Variants in PLEKHM3 observed in about 807,000 individuals in gnomAD.
PLEKHM3 encodes the protein pleckstrin homology domain containing M3.
In PLEKHM3, 45 loss-of-function variants were observed where a neutral mutation model predicts 81.8. The ratio of observed to expected loss-of-function variants is 0.55; its 90% CI spans 0.43 to 0.71. PLEKHM3 has a LOEUF of 0.71. Among genes scored for constraint, PLEKHM3 ranks in the 30% least tolerant of loss-of-function variants. PLEKHM3 has a pLI of 0.00. For synonymous variants in PLEKHM3, 352 were observed against 356.4 expected, an observed-to-expected ratio of 0.99 and a Z score of 0.14; for missense variants, 788 against 924.3, an observed-to-expected ratio of 0.85 and a Z score of 1.91.
Position 207,885,053 on chromosome 2 carries a change from T to C in PLEKHM3, c.1950+23461A>G, listed in dbSNP as rs142512170. Among the ~76,000 whole-genome samples, 154 of 152,326 alleles carry C rather than the reference T, an allele frequency of 1.0e-3. 2 individuals carry two copies. The Middle Eastern group carries it at 0.01, about 10-fold the overall frequency. On this transcript the variant is annotated intron_variant, in intron 6 of 7. Transcript: ENST00000427836. ...CCTTTAAGGCACAAGGAAAGCCATG[T>C]AAGGGACAGGGCCACTCAGACACTG...
intron 3 of PLEKHM3, among the ~76,000 whole-genome samples, chr2:207,950,643 T>C (rs1690298992): frequency 1.3e-5 from 2 of 152,206 alleles, no homozygotes; most frequent in South Asian, 4.1e-4. Context: ...CCCTGATTTC[T>C]AGGTGACCTC....
Position 207,903,713 on chromosome 2 carries a change from T to C in PLEKHM3, c.1950+4801A>G, listed in dbSNP as rs531859634. On this transcript the variant is annotated intron_variant, in intron 6 of 7. Coordinates refer to ENST00000427836, the MANE Select transcript of PLEKHM3 (RefSeq NM_001080475.3). ...CTAAGAACTCTTGACCATTTATTTATATGTACTAATGTATTCTACTGGTAA... is the reference window on the plus strand; with the variant it reads ...CTAAGAACTCTTGACCATTTATTTACATGTACTAATGTATTCTACTGGTAA... 4.6e-5 allele frequency among the ~76,000 whole-genome samples: 7 copies of C among 152,354 alleles called. No individual in the cohort carries two copies. The South Asian group carries it at 1.4e-3, about 32-fold the overall frequency.
At chr2:208,008,599 T>C (rs1692586051) in intron 1 of PLEKHM3, among the ~76,000 whole-genome samples, 1 of 151,568 alleles carries the variant, frequency 6.6e-6, no homozygotes, top group Non-Finnish European at 1.5e-5. Flanking sequence ...CCCCACTCAA[T>C]TGAACTTCTC....
At chr2:208,000,650 C>T (rs372212067) in intron 2 of PLEKHM3, among the ~76,000 whole-genome samples, 9 of 152,162 alleles carry the variant, frequency 5.9e-5, no homozygotes, top group Admixed American at 2.0e-4. Flanking sequence ...CTCAGCCCAA[C>T]GTACGATCTA....
chr2:207,962,518 G>C (rs1205605701), intron 3 of PLEKHM3, among the ~76,000 whole-genome samples: 4 of 152,150 alleles, frequency 2.6e-5, no homozygotes, highest in African/African-American at 9.7e-5. Context: ...AGTTCTATGA[G>C]TTGTTCTAAC....
At chr2:208,021,949 A>C (rs11896832) in intron 1 of PLEKHM3, among the ~76,000 whole-genome samples, 5,596 of 152,266 alleles carry the variant, frequency 0.037, 334 homozygotes, top group African/African-American at 0.13. Context: ...ATTTTGGGGC[A>C]TTTAGGTTAT....
chr2:207,942,848 C>T (rs980003259), intron 4 of PLEKHM3, among the ~76,000 whole-genome samples: 1 of 151,988 alleles, frequency 6.6e-6, no homozygotes, highest in Non-Finnish European at 1.5e-5. Flanking sequence ...TGCAGTGAGC[C>T]GAGATTGCAC....
chr2:207,908,604 GA>G, intron 5 of PLEKHM3, 27 bp from the exon 6 acceptor site: 1 of 1,564,368 alleles, frequency 6.4e-7, no homozygotes, highest in Admixed American at 1.7e-5. Flanking sequence ...ATAGACAAGT[GA>G]ACTGTGGTGC....
chr2:207,905,015 AT>A (rs1253068673), intron 6 of PLEKHM3, among the ~76,000 whole-genome samples: 1 of 151,944 alleles, frequency 6.6e-6, no homozygotes, highest in Non-Finnish European at 1.5e-5. Context: ...ATTCTTACCT[AT>A]TTTTTTTCTT....
At chr2:207,925,511 G>A (rs894230880) in intron 5 of PLEKHM3, among the ~76,000 whole-genome samples, 2 of 152,116 alleles carry the variant, frequency 1.3e-5, no homozygotes, top group African/African-American at 2.4e-5. Context: ...CTGAATCCTC[G>A]CACTTTCCTT....
chr2:208,022,856 A>G (rs1685773791), intron 1 of PLEKHM3, among the ~76,000 whole-genome samples: 1 of 152,250 alleles, frequency 6.6e-6, no homozygotes, highest in Non-Finnish European at 1.5e-5. Context: ...GATTACAGAC[A>G]GCAATTTTAG....
chr2:207,984,352 A>C (rs1691642784), intron 2 of PLEKHM3, among the ~76,000 whole-genome samples: 1 of 152,078 alleles, frequency 6.6e-6, no homozygotes, highest in Non-Finnish European at 1.5e-5. Flanking sequence ...TCCTTATCTA[A>C]TACCCAGTCT....
rs773079240 is a variant in PLEKHM3, at chr2:208,001,141, G to T, written c.499C>A (p.Pro167Thr). ...VDWRVVLKTT[P>T]LQQQQQQQPL... ...TGCTGCTGTTGCTGCTGCTGCAAAG[G>T]CGTGGTTTTGAGGACTACCCTCCAG... Residue 167 changes from proline (P) to threonine (T), a missense_variant, in exon 2 of 8, where the codon CCT becomes ACT. By Grantham distance (38) the Pro-to-Thr change is conservative. Transcript: ENST00000427836. The T allele has an allele frequency of 3.5e-5, 57 of 1,611,696 alleles. No individual in the cohort carries two copies. The highest frequency in any genetic ancestry group is 4.7e-5 in the Non-Finnish European group (55 of 1,178,810).
At chr2:207,997,880 A>C (rs1320720973) in intron 2 of PLEKHM3, among the ~76,000 whole-genome samples, 2 of 152,172 alleles carry the variant, frequency 1.3e-5, no homozygotes, top group Non-Finnish European at 2.9e-5. Flanking sequence ...CAGGAGAAAC[A>C]ACGAGTCTTT....
At chr2:207,885,805 C>T (rs890717853) in intron 6 of PLEKHM3, among the ~76,000 whole-genome samples, 4 of 152,072 alleles carry the variant, frequency 2.6e-5, no homozygotes, top group African/African-American at 7.2e-5. Context: ...GATAGGAAAA[C>T]GATAAACCTA....
At chr2:207,900,299 T>A (rs1259418141) in intron 6 of PLEKHM3, 1 of 152,232 alleles carries the variant, frequency 6.6e-6, no homozygotes, top group Non-Finnish European at 1.5e-5. Flanking sequence ...CTATGAGGGC[T>A]AATCTGGACT....
At chr2:207,904,193 T>A (rs556027273) in intron 6 of PLEKHM3, among the ~76,000 whole-genome samples, 18 of 152,330 alleles carry the variant, frequency 1.2e-4, no homozygotes, top group Admixed American at 3.3e-4. Context: ...TTTATTTTTT[T>A]AAAAATGAGC....
At chr2:207,889,962 C>G (rs1038382124) in intron 6 of PLEKHM3, among the ~76,000 whole-genome samples, 11 of 152,216 alleles carry the variant, frequency 7.2e-5, no homozygotes, top group South Asian at 2.1e-4. Context: ...TACCACCACA[C>G]CTGGCTAATT....
At chr2:207,964,186 T>C (rs1456656078) in intron 3 of PLEKHM3, among the ~76,000 whole-genome samples, 2 of 151,614 alleles carry the variant, frequency 1.3e-5, no homozygotes. Flanking sequence ...CACTCCAGCC[T>C]GGGTGACAGA....
Sources: gnomAD v4.1 joint callset for allele counts (sites outside exome capture counted in the v4.1 genomes callset) on GRCh38, gnomAD v4.1.1 for gene constraint, MANE v1.5 for transcripts, NCBI Gene and HGNC (gene_info 2026-07-23, HGNC 2026-07-21) for gene names.